Variants in TMEM233 observed in about 807,000 individuals in gnomAD.
The protein encoded by TMEM233 is dispanin subfamily B member 2.
TMEM233 carries 6 observed loss-of-function variants against 11.2 expected under a neutral mutation model. The ratio of observed to expected loss-of-function variants is 0.54; its 90% CI spans 0.29 to 1.06. TMEM233 has a LOEUF of 1.06. Among genes scored for constraint, TMEM233 ranks in the 50% least tolerant of loss-of-function variants. TMEM233 has a pLI of 0.08. For synonymous variants in TMEM233, 59 were observed against 55.8 expected (o/e 1.06, Z -0.26); for missense variants, 127 against 144.7 (o/e 0.88, Z 0.63).
intron 2 of TMEM233, among the ~76,000 whole-genome samples, chr12:119,637,183 C>T (rs1451818284): frequency 3.3e-5 from 5 of 152,202 alleles, no homozygotes; most frequent in Non-Finnish European, 5.9e-5. Context: ...TGATCTGCCA[C>T]ATGTTAAATG....
rs957439973 is a variant in TMEM233 at position 119,593,860 on chromosome 12, C to T, written c.12C>T (p.Tyr4=). MSQ[Y]APSPDFKRAL... is the part of the protein sequence containing the mutation. The stretch of plus-strand genomic sequence containing the variant: ...CGCCGGCCTCGCCCATGTCTCAGTA[C>T]GCCCCTAGCCCGGACTTCAAGAGGG... Residue 4 remains tyrosine, a synonymous_variant, in exon 1 of 3, where the codon TAC becomes TAT. Coordinates refer to ENST00000426426, the MANE Select transcript of TMEM233 (RefSeq NM_001136534.3). This position sits in a 1 kb window ranked among gnomAD's most constrained non-coding sequence, Gnocchi z 4.1. 1.9e-6 allele frequency: 3 copies of T among 1,551,406 alleles called. No individual in the cohort carries two copies. The highest frequency in any genetic ancestry group is 1.4e-5 in the African/African-American group (1 of 73,066).
chr12:119,635,307 G>A (rs1387894707), intron 2 of TMEM233, among the ~76,000 whole-genome samples: 1 of 152,038 alleles, frequency 6.6e-6, no homozygotes, highest in African/African-American at 2.4e-5. Context: ...CAAGTTCCTG[G>A]ACCCCATTTC....
chr12:119,606,171 C>T (rs1954275504), intron 1 of TMEM233, among the ~76,000 whole-genome samples: 1 of 152,154 alleles, frequency 6.6e-6, no homozygotes, highest in African/African-American at 2.4e-5. Flanking sequence ...AGCCTGCTAT[C>T]TAGGAGTTTG....
At chr12:119,627,834 C>G (rs1954794948) in intron 1 of TMEM233, among the ~76,000 whole-genome samples, 1 of 152,228 alleles carries the variant, frequency 6.6e-6, no homozygotes, top group Admixed American at 6.5e-5. Flanking sequence ...GACATGCTCA[C>G]CAGTGCCATG....
At chr12:119,648,290 T>G in the TMEM233 span, among the ~76,000 whole-genome samples, 3 of 152,216 alleles carry the variant, frequency 2.0e-5, no homozygotes, top group South Asian at 6.2e-4. Context: ...CTCCTCCCCC[T>G]AGGATGTTGA....
downstream of TMEM233, among the ~76,000 whole-genome samples, chr12:119,646,601 C>T (rs1955156328): frequency 6.6e-6 from 1 of 152,180 alleles, no homozygotes; most frequent in Admixed American, 6.5e-5. Context: ...GGCCTCCTTC[C>T]ATCTTCAACG....
intron 1 of TMEM233, among the ~76,000 whole-genome samples, chr12:119,600,351 CAG>C (rs1566096248): frequency 7.2e-6 from 1 of 139,272 alleles, no homozygotes; most frequent in Non-Finnish European, 1.6e-5. Context: ...AGAAGCAAAA[CAG>C]AGCTCTTGGG....
chr12:119,619,721 T>C (rs1465525082), intron 1 of TMEM233, among the ~76,000 whole-genome samples: 1 of 151,972 alleles, frequency 6.6e-6, no homozygotes, highest in African/African-American at 2.4e-5. Flanking sequence ...ACTATAATAA[T>C]AGTATTTTAA....
chr12:119,615,206 A>AAAAAAAAAAAAAAAAAAAT (rs1954501487), intron 1 of TMEM233, among the ~76,000 whole-genome samples: 1 of 120,652 alleles, frequency 8.3e-6, no homozygotes, highest in African/African-American at 3.1e-5. Context: ...AAAAAAAAAA[A>AAAAAAAAAAAAAAAAAAAT]CTGCCTCCTC....
At position 119,593,802 on chromosome 12, in the gene TMEM233, C is replaced by G. The variant is rs940625585; in HGVS notation, c.-47C>G. On this transcript the variant is annotated 5_prime_UTR_variant, in exon 1 of 3. Coordinates refer to ENST00000426426, the MANE Select transcript of TMEM233 (RefSeq NM_001136534.3). The surrounding 1 kb of genome is among the most constrained non-coding windows in gnomAD (Gnocchi z 4.1). ...AGCCGGCGGCCAGAGCCCCAGACCA[C>G]ACAGACCGTGCGCTCCTCCGCCCTC... 62 of 1,538,120 alleles carry G rather than the reference C, an allele frequency of 4.0e-5. No homozygotes were observed. The Admixed American group carries it at 1.2e-3, about 30-fold the overall frequency.
At chr12:119,636,619 C>T (rs1954973080) in intron 2 of TMEM233, among the ~76,000 whole-genome samples, 1 of 152,160 alleles carries the variant, frequency 6.6e-6, no homozygotes. Flanking sequence ...ACACCCAGCT[C>T]TTTTCATCTC....
rs892878964 is a variant in TMEM233 at position 119,594,247 on chromosome 12, C to A, written c.186+213C>A. The A allele has an allele frequency of 5.8e-5, 32 of 555,864 alleles. No individual in the cohort carries two copies. The highest frequency in any genetic ancestry group is 9.5e-5 in the Non-Finnish European group (30 of 314,328). The allele number at this position is 555,864 out of a possible 1,614,324, so 34.4% of individuals were successfully genotyped here. On this transcript the variant is annotated intron_variant, in intron 1 of 2. Coordinates refer to ENST00000426426, the MANE Select transcript of TMEM233 (RefSeq NM_001136534.3). The surrounding 1 kb of genome is among the most constrained non-coding windows in gnomAD (Gnocchi z 5.6). ...CCTCCTCTGCACTCCTCGTGGTACTCAGAGCCCTGATCAAGCTTCCCCCAG... is the reference window on the plus strand; with the variant it reads ...CCTCCTCTGCACTCCTCGTGGTACTAAGAGCCCTGATCAAGCTTCCCCCAG...
At chr12:119,646,903 A>G (rs1955160316), downstream of TMEM233, among the ~76,000 whole-genome samples, 1 of 152,184 alleles carries the variant, frequency 6.6e-6, no homozygotes, top group South Asian at 2.1e-4. Context: ...TCTTTTGGCG[A>G]GCATTATTCT....
At chr12:119,613,745 T>C (rs1344722150) in intron 1 of TMEM233, among the ~76,000 whole-genome samples, 1 of 147,578 alleles carries the variant, frequency 6.8e-6, no homozygotes, top group Non-Finnish European at 1.5e-5. Flanking sequence ...AGCCCAAGAG[T>C]TTGAGGCTGC....
intron 1 of TMEM233, among the ~76,000 whole-genome samples, chr12:119,622,835 G>A (rs1465473570): frequency 6.6e-6 from 1 of 152,198 alleles, no homozygotes. Context: ...TTTGTGGGGA[G>A]AGGAGCTTCC....
At chr12:119,612,621 G>A (rs1453502594) in intron 1 of TMEM233, among the ~76,000 whole-genome samples, 3 of 151,790 alleles carry the variant, frequency 2.0e-5, no homozygotes, top group Non-Finnish European at 2.9e-5. Flanking sequence ...GCGTGGTGGC[G>A]GGCACCTGTA....
intron 1 of TMEM233, among the ~76,000 whole-genome samples, chr12:119,605,313 A>G (rs1373278321): frequency 1.3e-5 from 2 of 151,960 alleles, no homozygotes; most frequent in African/African-American, 4.8e-5. Flanking sequence ...TCCTTAAGAA[A>G]ACTGAGGCTC....
At chr12:119,647,908 A>T (rs1955176028), downstream of TMEM233, among the ~76,000 whole-genome samples, 1 of 151,962 alleles carries the variant, frequency 6.6e-6, no homozygotes. Context: ...ATACCCCGCA[A>T]AGCCCTACAT....
At chr12:119,596,487 C>CT (rs34129084) in intron 1 of TMEM233, among the ~76,000 whole-genome samples, 1,079 of 90,364 alleles carry the variant, frequency 0.012, 81 homozygotes, top group African/African-American at 0.034. Context: ...AAGTTTGTAT[C>CT]TTTTTTTTTT....
Sources: gnomAD v4.1 joint callset for allele counts (sites outside exome capture counted in the v4.1 genomes callset) on GRCh38, gnomAD v4.1.1 for gene constraint, Gnocchi (gnomAD v3.1) non-coding constraint, MANE v1.5 for transcripts, NCBI Gene and HGNC (gene_info 2026-07-23, HGNC 2026-07-21) for gene names.